Variants in PCDHGB1 observed in about 807,000 individuals in gnomAD.
PCDHGB1 encodes protocadherin gamma subfamily B, 1.
A neutral mutation model predicts 56.6 loss-of-function variants in PCDHGB1; 34 were observed. That is an observed-to-expected ratio of 0.60 (90% CI 0.46 to 0.80). PCDHGB1 has a LOEUF of 0.80. Ranked by LOEUF, PCDHGB1 falls within the 30% of genes least tolerant of loss-of-function variation. The pLI is 0.00. For missense variants in PCDHGB1, 1,278 were observed against 1,204.6 expected (o/e 1.06, Z -0.90); for synonymous variants, 561 against 505.9 (o/e 1.11, Z -1.46).
intron 2 of PCDHGB1, among the ~76,000 whole-genome samples, chr5:141,503,596 C>T (rs1267014587): frequency 7.7e-6 from 1 of 129,694 alleles, no homozygotes; most frequent in African/African-American, 3.3e-5. Context: ...GAGACTCCAG[C>T]TCAAAAAAAA....
intron 1 of PCDHGB1, among the ~76,000 whole-genome samples, chr5:141,381,060 A>G (rs1776965046): frequency 6.6e-6 from 1 of 152,246 alleles, no homozygotes; most frequent in South Asian, 2.1e-4. Flanking sequence ...GTGAATGCAA[A>G]GATAACTATG....
rs566635689 is a variant in PCDHGB1, at chr5:141,469,738, C to G, written c.2410-25069C>G. ...AGGAATTTATCATAAATACACACCT[C>G]AAAAATTACAAAAATACATATATAC... is the stretch of plus-strand genomic sequence containing the variant. On this transcript the variant is annotated intron_variant, in intron 1 of 3. Transcript: ENST00000523390. 6.7e-4 allele frequency among the ~76,000 whole-genome samples: 102 copies of G among 152,292 alleles called. 2 individuals are homozygous for G. Among genetic ancestry groups the G allele is most frequent in the African/African-American group, 2.4e-3 (99 of 41,552 alleles).
In PCDHGB1 at chr5:141,511,330, T is replaced by C; in HGVS notation, c.*157T>C. 1 of 1,455,994 alleles carries C rather than the reference T, an allele frequency of 6.9e-7. No homozygotes were observed. The highest frequency in any genetic ancestry group is 9.1e-7 in the Non-Finnish European group (1 of 1,093,254). 90.2% of individuals were successfully genotyped at this position (1,455,994 alleles called of 1,614,324 possible). ...TTGGGAAACAGAAACAAGTGCCCAG[T>C]CAGCACCTACCCCTTCCCCCCCAGG... On this transcript the variant is annotated 3_prime_UTR_variant, in exon 4 of 4. Coordinates refer to ENST00000523390, the MANE Select transcript of PCDHGB1 (RefSeq NM_018922.3).
intron 1 of PCDHGB1, among the ~76,000 whole-genome samples, chr5:141,467,330 G>T (rs1335387199): frequency 6.6e-6 from 1 of 152,138 alleles, no homozygotes; most frequent in East Asian, 1.9e-4. Context: ...TGGGATTAGA[G>T]ACGTAAGCCA....
rs775204388 is a variant in PCDHGB1, at chr5:141,490,235, G to T, written c.2410-4572G>T. On this transcript the variant is annotated intron_variant, in intron 1 of 3. Transcript: ENST00000523390. This position sits in a 1 kb window ranked among gnomAD's most constrained non-coding sequence, Gnocchi z 5.4. ...GACCAGGGACAGCCTGCCATGGAGG[G>T]CCACTGTGTGATTCAAGTGGATGTG... 1 of 1,614,228 alleles carries T rather than the reference G, an allele frequency of 6.2e-7. No homozygotes were observed. The highest frequency in any genetic ancestry group is 1.1e-5 in the South Asian group (1 of 91,084).
chr5:141,417,683 A>AAG lies in PCDHGB1; in HGVS notation c.2409+65015_2409+65016insGA, dbSNP rs201105096. 3.0e-3 allele frequency: 3,154 copies of AAG among 1,038,272 alleles called. 110 individuals carry two copies. In the East Asian group the frequency reaches 0.071, roughly 24 times the overall value. The allele number at this position is 1,038,272 out of a possible 1,614,324, so 64.3% of individuals were successfully genotyped here. The stretch of plus-strand genomic sequence containing the variant: ...GATTCCCTGCGCAGCCAACAACAGA[A>AAG]AAGAAAACCAGCTCCCACACAGAGG... On this transcript the variant is annotated intron_variant, in intron 1 of 3. Transcript: ENST00000523390.
At position 141,480,524 on chromosome 5, in the gene PCDHGB1, AAAG is replaced by A. The variant is rs1342230573; in HGVS notation, c.2410-14282_2410-14280del. Among the ~76,000 whole-genome samples, 4 of 127,792 alleles carry A rather than the reference AAAG, an allele frequency of 3.1e-5. No homozygotes were observed. The East Asian group carries it at 7.7e-4, about 25-fold the overall frequency. 83.8% of individuals were successfully genotyped at this position (127,792 alleles called of 152,430 possible). On this transcript the variant is annotated intron_variant, in intron 1 of 3. Transcript: ENST00000523390. Reference sequence around the variant, plus strand: ...ACATATGAGAACAACCAAAAATGACAAAGTAGAAGCACATATGAAAAGGCTAAG... The same window carrying A: ...ACATATGAGAACAACCAAAAATGACATAGAAGCACATATGAAAAGGCTAAG...
chr5:141,486,161 A>G lies in PCDHGB1; in HGVS notation c.2410-8646A>G. 1 of 1,614,216 alleles carries G rather than the reference A, an allele frequency of 6.2e-7. No individual in the cohort carries two copies. The highest frequency in any genetic ancestry group is 8.5e-7 in the Non-Finnish European group (1 of 1,180,038). ...GGCTCGCGATGGGGGTTCTCCAGCC[A>G]TGGAGCAACATTGCAGCCTTCGAGT... On this transcript the variant is annotated intron_variant, in intron 1 of 3. Coordinates refer to ENST00000523390, the MANE Select transcript of PCDHGB1 (RefSeq NM_018922.3). The surrounding 1 kb of genome is among the most constrained non-coding windows in gnomAD (Gnocchi z 5.0).
chr5:141,364,822 GA>G (rs1385950726), intron 1 of PCDHGB1: 1 of 1,614,010 alleles, frequency 6.2e-7, no homozygotes, highest in Admixed American at 1.7e-5. Context: ...ATGTGGGTGT[GA>G]ACTCTCTCCG....
intron 1 of PCDHGB1, chr5:141,394,070 T>C: frequency 6.2e-7 from 1 of 1,613,848 alleles, no homozygotes; most frequent in Non-Finnish European, 8.5e-7. Context: ...CTATCTACAA[T>C]ATCACAGTGA....
At chr5:141,428,095 A>G (rs1361784967) in intron 1 of PCDHGB1, 1 of 1,608,848 alleles carries the variant, frequency 6.2e-7, no homozygotes, top group East Asian at 2.2e-5. Flanking sequence ...TGGCTGTCCT[A>G]CCACGTGCTG....
chr5:141,399,713 A>T, intron 1 of PCDHGB1: 1 of 1,613,326 alleles, frequency 6.2e-7, no homozygotes, highest in Non-Finnish European at 8.5e-7. Context: ...CTCACACTAC[A>T]GGCCCGCGAC....
chr5:141,385,498 T>C, intron 1 of PCDHGB1: 2 of 1,386,236 alleles, frequency 1.4e-6, no homozygotes, highest in Non-Finnish European at 1.9e-6. Context: ...TAGGATATAG[T>C]ATTTCTTTAG....
chr5:141,408,769 C>A (rs754783489), intron 1 of PCDHGB1: 3 of 1,611,166 alleles, frequency 1.9e-6, no homozygotes, highest in South Asian at 1.1e-5. Flanking sequence ...CCGATGGTGG[C>A]AAATACCCAG....
chr5:141,431,901 A>G lies in PCDHGB1; in HGVS notation c.2410-62906A>G, dbSNP rs1373642371. 5.0e-6 allele frequency: 8 copies of G among 1,613,872 alleles called. No homozygotes were observed. The highest frequency in any genetic ancestry group is 1.6e-4 in the Middle Eastern group (1 of 6,062). On this transcript the variant is annotated intron_variant, in intron 1 of 3. Coordinates refer to ENST00000523390, the MANE Select transcript of PCDHGB1 (RefSeq NM_018922.3). This position sits in a 1 kb window ranked among gnomAD's most constrained non-coding sequence, Gnocchi z 4.8. Reference sequence around the variant, plus strand: ...GACCAAGATTCTGAGGAAAACGGACAGGTGATCTGTTTCATCCAAGGAAAT... The same window carrying G: ...GACCAAGATTCTGAGGAAAACGGACGGGTGATCTGTTTCATCCAAGGAAAT...
In PCDHGB1 at chr5:141,512,223, C is replaced by G. The variant is rs1321595614; in HGVS notation, c.*1050C>G. 6.5e-6 allele frequency: 1 copy of G among 152,728 alleles called. No individual in the cohort carries two copies. The highest frequency in any genetic ancestry group is 1.5e-5 in the Non-Finnish European group (1 of 68,110). 9.5% of individuals were successfully genotyped at this position (152,728 alleles called of 1,614,324 possible). ...CTCGAAGCAGGTTTAGGACCAGGTC[C>G]CCTTGAGAGGTCAGAGGGGCCTCTG... On this transcript the variant is annotated 3_prime_UTR_variant, in exon 4 of 4. Transcript: ENST00000523390.
chr5:141,455,587 T>C (rs1383947901), intron 1 of PCDHGB1, among the ~76,000 whole-genome samples: 1 of 152,162 alleles, frequency 6.6e-6, no homozygotes, highest in African/African-American at 2.4e-5. Flanking sequence ...CCTTTTAATA[T>C]GCAAACGTAG....
At chr5:141,401,835 T>C (rs983491795) in intron 1 of PCDHGB1, among the ~76,000 whole-genome samples, 2 of 152,326 alleles carry the variant, frequency 1.3e-5, no homozygotes, top group South Asian at 4.1e-4. Context: ...AGATTTCTTA[T>C]AATACCACTT....
chr5:141,354,181 A>C (rs1759487714), intron 1 of PCDHGB1, among the ~76,000 whole-genome samples: 1 of 152,174 alleles, frequency 6.6e-6, no homozygotes, highest in Non-Finnish European at 1.5e-5. Flanking sequence ...TATTATCTGC[A>C]CTTTATAGTT....
Sources: allele counts gnomAD v4.1 joint callset (sites outside exome capture counted in the v4.1 genomes callset), GRCh38; gene constraint gnomAD v4.1.1; non-coding constraint Gnocchi (gnomAD v3.1); transcripts MANE v1.5; gene names NCBI Gene and HGNC (gene_info 2026-07-23, HGNC 2026-07-21).